DNAAF9: variants seen among roughly 807,000 people sequenced by gnomAD.
DNAAF9 encodes dynein axonemal assembly factor 9, also known as shulin.
In DNAAF9, 90 loss-of-function variants were observed where a neutral mutation model predicts 167.0. The ratio of observed to expected loss-of-function variants is 0.54; its 90% CI spans 0.45 to 0.64. The LOEUF is 0.64. DNAAF9 is among the 30% of genes least tolerant of loss of function. The pLI, the probability that DNAAF9 is intolerant of heterozygous loss-of-function variation, is 0.00. For missense variants in DNAAF9, 1,315 were observed against 1,442.2 expected, an observed-to-expected ratio of 0.91 and a Z score of 1.43; for synonymous variants, 491 against 508.8, an observed-to-expected ratio of 0.96 and a Z score of 0.47.
chr20:3,254,754 G>A (rs1355059506), intron 35 of DNAAF9, among the ~76,000 whole-genome samples: 2 of 152,160 alleles, frequency 1.3e-5, no homozygotes, highest in Admixed American at 6.5e-5. Context: ...TGAGCATGGC[G>A]ACTGAAGCAG....
At chr20:3,376,836 G>A (rs1028691266) in intron 3 of DNAAF9, among the ~76,000 whole-genome samples, 3 of 152,264 alleles carry the variant, frequency 2.0e-5, no homozygotes, top group African/African-American at 7.2e-5. Flanking sequence ...AGGCTGAGGC[G>A]GATGGATCAC....
At chr20:3,295,660 T>C (rs977894096) in intron 23 of DNAAF9, 19 of 528,184 alleles carry the variant, frequency 3.6e-5, no homozygotes, top group South Asian at 2.8e-4. Context: ...TCCTGCTGTT[T>C]CACATTAGAG....
intron 7 of DNAAF9, among the ~76,000 whole-genome samples, chr20:3,352,978 C>T (rs2070354393): frequency 6.7e-6 from 1 of 149,110 alleles, no homozygotes; most frequent in Non-Finnish European, 1.5e-5. Context: ...ATCTTTGTTA[C>T]TTCTCTATGC....
In DNAAF9 at chr20:3,315,186, C is replaced by A; in HGVS notation, c.1591-66G>T. The A allele has an allele frequency of 9.9e-7, 1 of 1,006,180 alleles. No homozygotes were observed. The highest frequency in any genetic ancestry group is 1.3e-5 in the South Asian group (1 of 78,044). The allele number at this position is 1,006,180 out of a possible 1,614,324, so 62.3% of individuals were successfully genotyped here. On this transcript the variant is annotated intron_variant, in intron 19 of 36. Transcript: ENST00000252032. The surrounding 1 kb of genome is among the most constrained non-coding windows in gnomAD (Gnocchi z 4.1). ...AGGTGATTTATAGCATAAATATTCA[C>A]AGAATCAAAAGTCCTGCCCAATTAT...
intron 7 of DNAAF9, among the ~76,000 whole-genome samples, chr20:3,349,207 A>C (rs1466780295): frequency 2.0e-5 from 3 of 148,942 alleles, no homozygotes; most frequent in African/African-American, 2.5e-5. Flanking sequence ...AAAAAAACAA[A>C]AAAAAAAAAA....
chr20:3,329,468 T>C (rs778372241), intron 12 of DNAAF9, among the ~76,000 whole-genome samples: 2 of 152,228 alleles, frequency 1.3e-5, no homozygotes, highest in Non-Finnish European at 2.9e-5. Context: ...CAGAAATATA[T>C]AAATTAAGAT....
chr20:3,282,651 G>A (rs879492159), intron 27 of DNAAF9, among the ~76,000 whole-genome samples: 9 of 152,154 alleles, frequency 5.9e-5, no homozygotes, highest in Non-Finnish European at 1.0e-4. Flanking sequence ...GACCCCCTAT[G>A]GAGCAGCAAA....
intron 29 of DNAAF9, among the ~76,000 whole-genome samples, chr20:3,273,386 G>A (rs1255746568): frequency 6.6e-6 from 1 of 152,106 alleles, no homozygotes; most frequent in African/African-American, 2.4e-5. Context: ...AATACCTGAG[G>A]CTGACTAATT....
chr20:3,315,250 A>C lies in DNAAF9; in HGVS notation c.1591-130T>G, dbSNP rs567304844. On this transcript the variant is annotated intron_variant, in intron 19 of 36. Coordinates refer to ENST00000252032, the MANE Select transcript of DNAAF9 (RefSeq NM_001009984.3). The surrounding 1 kb of genome is among the most constrained non-coding windows in gnomAD (Gnocchi z 4.1). The stretch of plus-strand genomic sequence containing the variant: ...AGCTGAGTCAGGCTCAGATATGCCC[A>C]ATGTATTCCATGGCCTTTGGCATTG... The C allele has an allele frequency of 1.5e-6, 1 of 658,130 alleles. No homozygotes were observed. The highest frequency in any genetic ancestry group is 1.8e-5 in the African/African-American group (1 of 55,848). The allele number at this position is 658,130 out of a possible 1,614,324, so 40.8% of individuals were successfully genotyped here.
chr20:3,337,874 T>C (rs1270320215), intron 10 of DNAAF9, among the ~76,000 whole-genome samples: 1 of 151,672 alleles, frequency 6.6e-6, no homozygotes, highest in East Asian at 1.9e-4. Flanking sequence ...TCTTTTAGAT[T>C]AGCAATAAGA....
At chr20:3,276,326 A>G (rs2068675230) in intron 29 of DNAAF9, among the ~76,000 whole-genome samples, 1 of 152,172 alleles carries the variant, frequency 6.6e-6, no homozygotes, top group South Asian at 2.1e-4. Context: ...CCATGGGCCC[A>G]GAAGCAAGGC....
At chr20:3,379,283 G>A (rs545067921) in intron 3 of DNAAF9, among the ~76,000 whole-genome samples, 1 of 152,020 alleles carries the variant, frequency 6.6e-6, no homozygotes, top group Admixed American at 6.6e-5. Context: ...AAAGAGGAAA[G>A]CATATGAGAA....
chr20:3,335,311 T>G (rs1198056677), intron 10 of DNAAF9, among the ~76,000 whole-genome samples: 1 of 152,212 alleles, frequency 6.6e-6, no homozygotes, highest in African/African-American at 2.4e-5. Context: ...CGTTCATCTG[T>G]GAATGTCTTG....
intron 6 of DNAAF9, among the ~76,000 whole-genome samples, chr20:3,366,725 G>C (rs961496686): frequency 5.3e-5 from 8 of 152,054 alleles, no homozygotes; most frequent in African/African-American, 1.9e-4. Context: ...AGGAGTTCAA[G>C]ACCAGTCCTG....
intron 26 of DNAAF9, among the ~76,000 whole-genome samples, chr20:3,288,013 AC>A (rs542126505): frequency 1.1e-4 from 17 of 152,252 alleles, no homozygotes; most frequent in African/African-American, 3.1e-4. Context: ...TTGATAGGAA[AC>A]CCCTTGCCAT....
At chr20:3,289,921 G>A (rs796575650) in intron 26 of DNAAF9, among the ~76,000 whole-genome samples, 8 of 152,186 alleles carry the variant, frequency 5.3e-5, no homozygotes, top group East Asian at 1.9e-4. Flanking sequence ...AGAGATTTTC[G>A]TGTCTGTATG....
At chr20:3,400,449 T>C (rs761466640) in intron 1 of DNAAF9, among the ~76,000 whole-genome samples, 2 of 146,118 alleles carry the variant, frequency 1.4e-5, no homozygotes, top group Non-Finnish European at 3.0e-5. Context: ...TAGGGGAAGC[T>C]GCGTGAAGAG....
chr20:3,330,503 A>G (rs1174951459), intron 12 of DNAAF9, 143 bp downstream of exon 12: 11 of 615,690 alleles, frequency 1.8e-5, no homozygotes, highest in Non-Finnish European at 2.9e-5. Context: ...CAGCTTCCGA[A>G]AATGTTGGGA....
intron 7 of DNAAF9, 30 bp downstream of exon 7, chr20:3,359,486 A>G: frequency 7.1e-7 from 1 of 1,417,588 alleles, no homozygotes; most frequent in Non-Finnish European, 9.9e-7. Context: ...CGTAATACTA[A>G]TATTTAAAAG....
Sources: allele counts gnomAD v4.1 joint callset (sites outside exome capture counted in the v4.1 genomes callset), GRCh38; gene constraint gnomAD v4.1.1; non-coding constraint Gnocchi (gnomAD v3.1); transcripts MANE v1.5; gene names NCBI Gene and HGNC (gene_info 2026-07-23, HGNC 2026-07-21).